The following CSF2RA variants were observed in gnomAD, a reference collection of about 807,000 sequenced individuals.
CSF2RA encodes granulocyte-macrophage colony-stimulating factor receptor subunit alpha.
In CSF2RA, 42 loss-of-function variants were observed where a neutral mutation model predicts 51.6. That is an observed-to-expected ratio of 0.81 (90% CI 0.64 to 1.05). CSF2RA has a LOEUF of 1.05. CSF2RA is among the 50% of genes least tolerant of loss of function. The pLI is 0.00. For synonymous variants in CSF2RA, 222 were observed against 193.0 expected (o/e 1.15, Z -1.24); for missense variants, 530 against 501.1 (o/e 1.06, Z -0.55).
At chrX:1,296,360 T>A (rs760693370) in intron 9 of CSF2RA, among the ~76,000 whole-genome samples, 3 of 84,412 alleles carry the variant, frequency 3.6e-5, no homozygotes, top group Admixed American at 3.4e-4. Flanking sequence ...AACCCTACAG[T>A]CCCCTACTCA....
downstream of CSF2RA, among the ~76,000 whole-genome samples, chrX:1,312,047 C>G (rs1294678329): frequency 6.6e-6 from 1 of 152,146 alleles, no homozygotes; most frequent in African/African-American, 2.4e-5. Context: ...ACCTCCACCT[C>G]CCGGGTTCAG....
At chrX:1,314,297 A>G (rs2084337944), downstream of CSF2RA, among the ~76,000 whole-genome samples, 1 of 106,726 alleles carries the variant, frequency 9.4e-6, no homozygotes, top group Non-Finnish European at 2.1e-5. Flanking sequence ...CATCTGCCCA[A>G]CCACTCTGTG....
chrX:1,272,392 A>AG (rs1340969127), intron 1 of CSF2RA, among the ~76,000 whole-genome samples: 2 of 150,838 alleles, frequency 1.3e-5, no homozygotes, highest in Non-Finnish European at 3.0e-5. Context: ...AAAAAAAAAA[A>AG]GGTTATAGGG....
intron 12 of CSF2RA, 143 bp from the exon 13 acceptor site, chrX:1,309,259 G>A (rs1214544910): frequency 2.4e-6 from 2 of 833,866 alleles, no homozygotes; most frequent in Admixed American, 4.4e-5. Context: ...AGGTTGCAGT[G>A]AGCTGAGATG....
the CSF2RA span, among the ~76,000 whole-genome samples, chrX:1,322,441 T>TG: frequency 1.2e-5 from 1 of 80,320 alleles, no homozygotes; most frequent in Admixed American, 1.3e-4. Context: ...GTGTGTTTGT[T>TG]TTTTTTTTTT....
intron 2 of CSF2RA, among the ~76,000 whole-genome samples, chrX:1,280,647 CCTTCCTCCT>C (rs1336405475): frequency 1.4e-3 from 208 of 148,010 alleles, no homozygotes; most frequent in Non-Finnish European, 2.4e-3. Flanking sequence ...CCTTCTCCCC[CCTTCCTCCT>C]CTTCCTCCTC....
chrX:1,304,036 C>G lies in CSF2RA; in HGVS notation c.1043+17C>G. ...CTTTAAAAGGTAACCTGTGAAACACCTGGGCCTCCCCAATGAAAACAGGCC... is the reference window on the plus strand; with the variant it reads ...CTTTAAAAGGTAACCTGTGAAACACGTGGGCCTCCCCAATGAAAACAGGCC... On this transcript the variant is annotated intron_variant, in intron 11 of 12. Transcript: ENST00000381529. 3 of 1,601,844 alleles carry G rather than the reference C, an allele frequency of 1.9e-6. No homozygotes were observed. Among genetic ancestry groups the G allele is most frequent in the Non-Finnish European group, 1.7e-6 (2 of 1,170,444 alleles).
the CSF2RA span, among the ~76,000 whole-genome samples, chrX:1,318,142 C>T: frequency 1.4e-5 from 2 of 148,136 alleles, no homozygotes; most frequent in African/African-American, 5.0e-5. Flanking sequence ...GCACCCGCCA[C>T]CACGCCCGGC....
chrX:1,311,251 A>G (rs1234876501), downstream of CSF2RA, among the ~76,000 whole-genome samples: 1 of 75,442 alleles, frequency 1.3e-5, no homozygotes, highest in Non-Finnish European at 2.2e-5. Context: ...TCTGTCTCCA[A>G]AAAAAAAAAA....
chrX:1,310,766 A>G (rs2084141182), downstream of CSF2RA, among the ~76,000 whole-genome samples: 1 of 151,826 alleles, frequency 6.6e-6, no homozygotes, highest in Non-Finnish European at 1.5e-5. Context: ...GGACAAAGTG[A>G]TGATATAGTT....
At chrX:1,281,476 T>G (rs1312545906) in intron 2 of CSF2RA, among the ~76,000 whole-genome samples, 1 of 146,368 alleles carries the variant, frequency 6.8e-6, no homozygotes, top group African/African-American at 2.5e-5. Flanking sequence ...CTTCTCCTCC[T>G]GCTCCTTCTC....
Position 1,304,258 on chromosome X carries a change from G to A in CSF2RA, c.1043+239G>A, listed in dbSNP as rs780346625. Among the ~76,000 whole-genome samples, 3 of 79,520 alleles carry A rather than the reference G, an allele frequency of 3.8e-5. 1 individual carries two copies. The highest frequency in any genetic ancestry group is 9.5e-4 in the East Asian group (2 of 2,100). The allele number at this position is 79,520 out of a possible 152,430, so 52.2% of individuals were successfully genotyped here. A position where few individuals can be genotyped will look rare whatever the true frequency, so the allele number is the denominator to read the frequency against. ...CCCGTCTCTACTAAAAAATTAGCCCGGCGTGGTCGCGGGCGCCTGTAGTCC... is the reference window on the plus strand; with the variant it reads ...CCCGTCTCTACTAAAAAATTAGCCCAGCGTGGTCGCGGGCGCCTGTAGTCC... On this transcript the variant is annotated intron_variant, in intron 11 of 12. Coordinates refer to ENST00000381529, the MANE Select transcript of CSF2RA (RefSeq NM_172245.4).
At chrX:1,312,299 C>T (rs1304796998), downstream of CSF2RA, among the ~76,000 whole-genome samples, 1 of 152,128 alleles carries the variant, frequency 6.6e-6, no homozygotes, top group Non-Finnish European at 1.5e-5. Context: ...ATCATCTCTC[C>T]ATGGCAATAT....
downstream of CSF2RA, among the ~76,000 whole-genome samples, chrX:1,314,550 C>A (rs866066775): frequency 7.5e-5 from 8 of 106,586 alleles, no homozygotes; most frequent in African/African-American, 2.2e-4. Flanking sequence ...CCCAATCCCA[C>A]TGCACCTGCC....
At chrX:1,269,984 C>T (rs113192212) in intron 1 of CSF2RA, among the ~76,000 whole-genome samples, 3 of 151,912 alleles carry the variant, frequency 2.0e-5, no homozygotes, top group African/African-American at 7.2e-5. Context: ...CAGTGTGTGC[C>T]TGTAATCCCA....
chrX:1,305,827 T>A, intron 12 of CSF2RA: 1 of 1,531,706 alleles, frequency 6.5e-7, no homozygotes, highest in Non-Finnish European at 8.8e-7. Context: ...ATGCCTGTCA[T>A]CCCAGCACTT....
chrX:1,292,421 G>A (rs779923323), intron 7 of CSF2RA, among the ~76,000 whole-genome samples: 5 of 152,116 alleles, frequency 3.3e-5, no homozygotes, highest in Non-Finnish European at 7.4e-5. Flanking sequence ...CTCAGCATAC[G>A]GAGGACCTGC....
chrX:1,317,570 TTTA>T, the CSF2RA span, among the ~76,000 whole-genome samples: 4,427 of 101,170 alleles, frequency 0.044, 251 homozygotes, highest in African/African-American at 0.21. Flanking sequence ...TTTATTTTAT[TTTA>T]TTTTTTTTTT....
chrX:1,284,075 C>T (rs1216554401), intron 3 of CSF2RA, among the ~76,000 whole-genome samples: 1 of 150,400 alleles, frequency 6.6e-6, no homozygotes, highest in Non-Finnish European at 1.5e-5. Flanking sequence ...TCTCAAATTC[C>T]TTCAGCTTTA....
Sources: gnomAD v4.1 joint callset for allele counts (sites outside exome capture counted in the v4.1 genomes callset) on GRCh38, gnomAD v4.1.1 for gene constraint, MANE v1.5 for transcripts, NCBI Gene and HGNC (gene_info 2026-07-23, HGNC 2026-07-21) for gene names.